COL6A2: variants seen among roughly 807,000 people sequenced by gnomAD.
COL6A2 encodes collagen alpha-2(VI) chain.
A neutral mutation model predicts 124.9 loss-of-function variants in COL6A2; 90 were observed. The observed-to-expected ratio is 0.72, with a 90% CI of 0.61 to 0.86. The LOEUF is 0.86. COL6A2 is among the 40% of genes least tolerant of loss of function. The pLI is 0.00. For missense variants in COL6A2, 1,607 were observed against 1,502.5 expected, an observed-to-expected ratio of 1.07 and a Z score of -1.15; for synonymous variants, 793 against 618.2, an observed-to-expected ratio of 1.28 and a Z score of -4.19.
chr21:46,117,658 C>A (rs1242192475), intron 11 of COL6A2: 1 of 737,028 alleles, frequency 1.4e-6, no homozygotes, highest in Non-Finnish European at 2.3e-6. Context: ...ATCCCCGTGG[C>A]CTGGAGACCT....
chr21:46,105,208 T>A (rs2078324267), intron 1 of COL6A2, among the ~76,000 whole-genome samples: 1 of 152,012 alleles, frequency 6.6e-6, no homozygotes, highest in African/African-American at 2.4e-5. Context: ...GGAGACCCTA[T>A]CTCTATAAAA....
Position 46,105,108 on chromosome 21 carries a change from T to C in COL6A2, c.-27-6342T>C, listed in dbSNP as rs149024567. Reference sequence around the variant, plus strand: ...AAGTAAAGATCTCAGCCAGGCATAGTGGCTCATGCTTGTAACCCCATCACT... The same window carrying C: ...AAGTAAAGATCTCAGCCAGGCATAGCGGCTCATGCTTGTAACCCCATCACT... On this transcript the variant is annotated intron_variant, in intron 1 of 27. Transcript: ENST00000300527. Among the ~76,000 whole-genome samples the C allele has an allele frequency of 1.6e-3, 237 of 152,332 alleles. 2 individuals carry two copies. The highest frequency in any genetic ancestry group is 5.4e-3 in the African/African-American group (226 of 41,576).
Position 46,132,035 on chromosome 21 carries a change from A to C in COL6A2, c.2543A>C (p.Asn848Thr). 6.2e-7 allele frequency: 1 copy of C among 1,608,626 alleles called. No individual in the cohort carries two copies. The highest frequency in any genetic ancestry group is 1.1e-5 in the South Asian group (1 of 90,996). ...LDGSERLGEQ[N>T]FHKARRFVEQ... ...GGCTCCGAGCGGCTGGGTGAGCAGA[A>C]CTTCCACAAGGCCCGGCGCTTCGTG... Residue 848 changes from asparagine to threonine, a missense_variant, in exon 28 of 28, where the codon AAC (asparagine) becomes ACC (threonine). Physicochemically the swap from Asn to Thr is moderately conservative, Grantham distance 65. This residue lies in a region of COL6A2 where 1,223 missense variants were observed against 1,052.2 expected (regional missense o/e 1.16). Coordinates refer to ENST00000300527, the MANE Select transcript of COL6A2 (RefSeq NM_001849.4).
intron 27 of COL6A2, 83 bp downstream of exon 27, chr21:46,126,624 AGGGGCCGTGCAGGGACCCG>A: frequency 7.0e-7 from 1 of 1,435,660 alleles, no homozygotes; most frequent in Non-Finnish European, 9.6e-7. Flanking sequence ...GGGCTGGGGG[AGGGGCCGTGCAGGGACCCG>A]GGGGGCGGCG....
At chr21:46,111,273 G>A (rs142471366) in intron 1 of COL6A2, 177 bp from the exon 2 acceptor site, 23 of 561,766 alleles carry the variant, frequency 4.1e-5, no homozygotes, top group East Asian at 5.9e-5. Context: ...GCAAGAGGGC[G>A]CAAGCCCCCC....
At chr21:46,125,203 C>T (rs534091065) in intron 23 of COL6A2, 63 bp from the exon 24 acceptor site, 38 of 1,494,498 alleles carry the variant, frequency 2.5e-5, no homozygotes, top group Middle Eastern at 1.7e-4. Flanking sequence ...CAGGCCAGGA[C>T]CTTGCTGTGG....
At chr21:46,118,955 C>G (rs554994951) in intron 13 of COL6A2, 75 bp from the exon 14 acceptor site, 3 of 1,219,024 alleles carry the variant, frequency 2.5e-6, no homozygotes, top group African/African-American at 1.5e-5. Flanking sequence ...GGGCTCCACA[C>G]CACACACCGC....
chr21:46,120,125 C>CCCCACTGAGGCACCACTCACACCCCCGG (rs149796156), intron 15 of COL6A2, among the ~76,000 whole-genome samples: 213 of 81,378 alleles, frequency 2.6e-3, no homozygotes, highest in African/African-American at 0.013. Context: ...ACCCCCCGGC[C>CCCCACTGAGGCACCACTCACACCCCCGG]CCCACTGAGG....
Position 46,118,687 on chromosome 21 carries a change from C to G in COL6A2, c.1179+11C>G. 1 of 1,607,278 alleles carries G rather than the reference C, an allele frequency of 6.2e-7. No homozygotes were observed. The highest frequency in any genetic ancestry group is 8.5e-7 in the Non-Finnish European group (1 of 1,177,992). On this transcript the variant is annotated intron_variant, in intron 13 of 27. Coordinates refer to ENST00000300527, the MANE Select transcript of COL6A2 (RefSeq NM_001849.4). ...GCCAAGGGAAGCAAGGTGAGCCCCT[C>G]TGCCTCTTCGCCTGCAGCTGAGCTG...
chr21:46,105,541 A>G (rs1033675086), intron 1 of COL6A2, among the ~76,000 whole-genome samples: 6 of 152,224 alleles, frequency 3.9e-5, no homozygotes, highest in Admixed American at 3.9e-4. Context: ...TGGACACATA[A>G]TATATAAAGG....
rs1281895553 is a variant in COL6A2, at chr21:46,120,527, C to T, written c.1345C>T (p.Pro449Ser). The change falls in exon 16 of 28, where the codon CCT (proline) becomes TCT (serine). Residue 449 changes from proline to serine, a missense_variant. By Grantham distance (74) the Pro-to-Ser change is moderately conservative. Around this residue, in one of 3 missense-constraint regions of COL6A2, gnomAD observed 1,223 missense variants for 1,052.2 expected, o/e 1.16. Coordinates refer to ENST00000300527, the MANE Select transcript of COL6A2 (RefSeq NM_001849.4). ...GPKGEKGDPG[P>S]EGPRGLAGEV... The stretch of plus-strand genomic sequence containing the variant: ...TCCCTTCCCACAGGGGGACCCTGGC[C>T]CTGAGGGGCCCCGCGGCCTGGCTGG... 9 of 1,494,212 alleles carry T rather than the reference C, an allele frequency of 6.0e-6. No individual in the cohort carries two copies. In the South Asian group the frequency reaches 9.2e-5, roughly 15 times the overall value. The allele number at this position is 1,494,212 out of a possible 1,614,324, so 92.6% of individuals were successfully genotyped here.
intron 27 of COL6A2, among the ~76,000 whole-genome samples, chr21:46,128,256 G>A (rs1053866002): frequency 6.6e-6 from 1 of 152,208 alleles, no homozygotes; most frequent in Non-Finnish European, 1.5e-5. Flanking sequence ...ACCTGACAGT[G>A]AGTGGGAGCA....
chr21:46,119,348 C>G (rs1385185336), intron 14 of COL6A2, among the ~76,000 whole-genome samples: 5 of 152,172 alleles, frequency 3.3e-5, no homozygotes, highest in Non-Finnish European at 5.9e-5. Flanking sequence ...TCCCTAAACC[C>G]AGCACCAGCT....
At chr21:46,129,817 CCTT>C (rs938047210) in intron 27 of COL6A2, 47 of 1,137,782 alleles carry the variant, frequency 4.1e-5, no homozygotes, top group Admixed American at 1.3e-4. Flanking sequence ...TCTGCAGAGT[CCTT>C]CTTTGCTGCA....
At chr21:46,127,874 A>C (rs2078697513) in intron 27 of COL6A2, among the ~76,000 whole-genome samples, 1 of 152,030 alleles carries the variant, frequency 6.6e-6, no homozygotes, top group Non-Finnish European at 1.5e-5. Flanking sequence ...GTTGGGAGTT[A>C]GTTAGCCCGT....
chr21:46,120,993 T>C (rs1483396364), intron 16 of COL6A2, 68 bp from the exon 17 acceptor site: 2 of 1,464,176 alleles, frequency 1.4e-6, no homozygotes, highest in Non-Finnish European at 1.9e-6. Flanking sequence ...GTCCACAGGA[T>C]TGATACTGGG....
chr21:46,123,819 AATGG>A (rs1226248820), intron 21 of COL6A2, among the ~76,000 whole-genome samples: 1 of 123,164 alleles, frequency 8.1e-6, no homozygotes, highest in Non-Finnish European at 1.7e-5. Context: ...TGGGTGGATG[AATGG>A]ATGGGTGCAT....
In COL6A2 at chr21:46,125,526, T is replaced by C. The variant is rs1438620601; in HGVS notation, c.1878T>C (p.Ile626=). The C allele has an allele frequency of 1.2e-6, 2 of 1,612,674 alleles. No homozygotes were observed. The highest frequency in any genetic ancestry group is 1.7e-6 in the Non-Finnish European group (2 of 1,179,936). Residue 626 remains isoleucine, a synonymous_variant, in exon 25 of 28, where the codon ATT becomes ATC. Coordinates refer to ENST00000300527, the MANE Select transcript of COL6A2 (RefSeq NM_001849.4). ...TCGTCATCGACAGCTCCGAGAGCATTGGGTACACCAACTTCACACTGGAGA... is the reference window on the plus strand; with the variant it reads ...TCGTCATCGACAGCTCCGAGAGCATCGGGTACACCAACTTCACACTGGAGA... ...VVFVIDSSES[I]GYTNFTLEKN...
At chr21:46,111,055 C>G (rs1235851078) in intron 1 of COL6A2, among the ~76,000 whole-genome samples, 1 of 152,170 alleles carries the variant, frequency 6.6e-6, no homozygotes, top group African/African-American at 2.4e-5. Flanking sequence ...GGATCTCTCT[C>G]CCGCCCTCCC....
Sources: allele counts gnomAD v4.1 joint callset (sites outside exome capture counted in the v4.1 genomes callset), GRCh38; gene constraint gnomAD v4.1.1; regional missense constraint gnomAD v4.1.1; transcripts MANE v1.5; gene names NCBI Gene and HGNC (gene_info 2026-07-23, HGNC 2026-07-21).